The following EPHA8 variants were observed in gnomAD, a reference collection of about 807,000 sequenced individuals.
EPHA8 encodes the protein EPH receptor A8.
EPHA8 carries 58 observed loss-of-function variants against 103.6 expected under a neutral mutation model. That is an observed-to-expected ratio of 0.56 (90% CI 0.45 to 0.70). The LOEUF is 0.70. Among genes scored for constraint, EPHA8 ranks in the 30% least tolerant of loss-of-function variants. EPHA8 has a pLI of 0.00. For missense variants in EPHA8, 1,304 were observed against 1,395.2 expected (o/e 0.93, Z 1.04); for synonymous variants, 559 against 572.5 (o/e 0.98, Z 0.34).
At chr1:22,590,725 C>T (rs1055553110) in intron 5 of EPHA8, among the ~76,000 whole-genome samples, 5 of 151,498 alleles carry the variant, frequency 3.3e-5, no homozygotes, top group South Asian at 2.1e-4. Context: ...CTTTTCTGGG[C>T]GGCTGTTTCA....
chr1:22,577,054 C>T (rs1032246558), intron 3 of EPHA8, among the ~76,000 whole-genome samples, 174 bp downstream of exon 3: 1 of 152,130 alleles, frequency 6.6e-6, no homozygotes, highest in Non-Finnish European at 1.5e-5. Flanking sequence ...TGCGAGGCCA[C>T]CTGTGTCCGT....
At chr1:22,600,841 C>T (rs776438284) in intron 14 of EPHA8, 31 bp downstream of exon 14, 25 of 1,588,810 alleles carry the variant, frequency 1.6e-5, no homozygotes, top group East Asian at 6.7e-5. Context: ...GGTCCGCGGG[C>T]GGTGGAGCCT....
intron 3 of EPHA8, among the ~76,000 whole-genome samples, chr1:22,585,248 A>C (rs1373587737): frequency 6.6e-6 from 1 of 152,154 alleles, no homozygotes; most frequent in Non-Finnish European, 1.5e-5. Flanking sequence ...GGTGAGGGGC[A>C]GCACTAAACA....
At chr1:22,596,296 G>T (rs967047236) in intron 9 of EPHA8, 123 bp downstream of exon 9, 5 of 955,144 alleles carry the variant, frequency 5.2e-6, no homozygotes, top group Non-Finnish European at 8.0e-6. Context: ...AGCCCAAGAG[G>T]CAGATTCCAG....
chr1:22,577,023 G>C, intron 3 of EPHA8, 143 bp downstream of exon 3: 2 of 1,015,094 alleles, frequency 2.0e-6, no homozygotes, highest in Non-Finnish European at 2.8e-6. Flanking sequence ...TAAACCTCCA[G>C]TGTTCCTACA....
Position 22,589,204 on chromosome 1 carries a change from C to T in EPHA8, c.1313C>T (p.Ala438Val). The change falls in exon 5 of 17, where the codon GCA (alanine) becomes GTA (valine). Residue 438 changes from alanine (A) to valine (V), a missense_variant and splice_region_variant. Transcript: ENST00000166244. The surrounding 1 kb of genome is among the most constrained non-coding windows in gnomAD (Gnocchi z 4.3). ...AAVVNITTNQAAPSQVVVIRQ... is the reference protein window; with the variant it reads ...AAVVNITTNQVAPSQVVVIRQ... Reference sequence around the variant, plus strand: ...GTGGTCAACATCACCACGAACCAGGCAGGTAGGCGGAGAAACTCCGTCCCG... The same window carrying T: ...GTGGTCAACATCACCACGAACCAGGTAGGTAGGCGGAGAAACTCCGTCCCG... 1 of 1,613,954 alleles carries T rather than the reference C, an allele frequency of 6.2e-7. No individual in the cohort carries two copies. Among genetic ancestry groups the T allele is most frequent in the African/African-American group, 1.3e-5 (1 of 75,072 alleles).
chr1:22,595,664 T>C lies in EPHA8; in HGVS notation c.1697+341T>C, dbSNP rs546821397. Among the ~76,000 whole-genome samples the C allele has an allele frequency of 3.9e-5, 6 of 152,228 alleles. No homozygotes were observed. The South Asian group carries it at 1.0e-3, about 26-fold the overall frequency. ...ATTTTGGAGGGAGGTGGAGACAGGA[T>C]AGTGTGTGGGCTTGGGATCCCAGAC... On this transcript the variant is annotated intron_variant, in intron 8 of 16. Coordinates refer to ENST00000166244, the MANE Select transcript of EPHA8 (RefSeq NM_020526.5).
intron 7 of EPHA8, 50 bp from the exon 8 acceptor site, chr1:22,595,180 C>A (rs1332361647): frequency 1.3e-6 from 2 of 1,505,538 alleles, no homozygotes; most frequent in Admixed American, 3.6e-5. Flanking sequence ...CCCCTGGGCC[C>A]AAGGCCAGGG....
intron 5 of EPHA8, among the ~76,000 whole-genome samples, chr1:22,591,315 C>T (rs1641366122): frequency 6.6e-6 from 1 of 152,154 alleles, no homozygotes; most frequent in Admixed American, 6.5e-5. Context: ...GTCTTGATCT[C>T]CGGAGCCCAA....
intron 3 of EPHA8, among the ~76,000 whole-genome samples, chr1:22,583,935 C>T (rs892615972): frequency 6.6e-6 from 1 of 152,214 alleles, no homozygotes; most frequent in Admixed American, 6.5e-5. Flanking sequence ...CTGCCAATGC[C>T]GTGGAAGCTC....
Position 22,597,549 on chromosome 1 carries a change from C to A in EPHA8, c.1930+73C>A. On this transcript the variant is annotated intron_variant, in intron 10 of 16. Coordinates refer to ENST00000166244, the MANE Select transcript of EPHA8 (RefSeq NM_020526.5). The surrounding 1 kb of genome is among the most constrained non-coding windows in gnomAD (Gnocchi z 4.6). Reference sequence around the variant, plus strand: ...GGGCACCCAGGGCAAGGTGGGGGCACCCAGGGCAGAGGGAGCGTGTGACCC... The same window carrying A: ...GGGCACCCAGGGCAAGGTGGGGGCAACCAGGGCAGAGGGAGCGTGTGACCC... 2 of 1,575,704 alleles carry A rather than the reference C, an allele frequency of 1.3e-6. No homozygotes were observed. The highest frequency in any genetic ancestry group is 8.6e-7 in the Non-Finnish European group (1 of 1,159,358).
rs200528832 is a variant in EPHA8 at position 22,578,357 on chromosome 1, C to T, written c.823+1477C>T. 7.5e-4 allele frequency among the ~76,000 whole-genome samples: 99 copies of T among 131,780 alleles called. 1 individual carries two copies. Among genetic ancestry groups the T allele is most frequent in the Middle Eastern group, 5.7e-3 (1 of 174 alleles). 86.5% of individuals were successfully genotyped at this position (131,780 alleles called of 152,430 possible). A position where few individuals can be genotyped will look rare whatever the true frequency, so the allele number is the denominator to read the frequency against. ...GAGTGTATGCATGTGTGTATGTGTG[C>T]GTGCATGTGTGCGTGCTTTAGTATA... On this transcript the variant is annotated intron_variant, in intron 3 of 16. Transcript: ENST00000166244.
rs146789326 is a variant in EPHA8 at position 22,596,180 on chromosome 1, G to T, written c.1765+7G>T. ...CACTATCAGAATGGACAGGGTGAGT[G>T]CAGGGGCCCGGTGGTCTGGGGCAGA... On this transcript the variant is annotated splice_region_variant and intron_variant, in intron 9 of 16. Coordinates refer to ENST00000166244, the MANE Select transcript of EPHA8 (RefSeq NM_020526.5). 2.4e-3 allele frequency: 3,793 copies of T among 1,613,626 alleles called. 14 individuals carry two copies. The highest frequency in any genetic ancestry group is 2.6e-3 in the Non-Finnish European group (3,125 of 1,179,802).
intron 15 of EPHA8, 84 bp from the exon 16 acceptor site, chr1:22,601,216 C>T: frequency 6.5e-7 from 1 of 1,537,324 alleles, no homozygotes. Flanking sequence ...CCCTGCCCTG[C>T]CGAACCCCTT....
intron 7 of EPHA8, among the ~76,000 whole-genome samples, chr1:22,594,326 G>A (rs564805738): frequency 5.9e-4 from 90 of 152,360 alleles, no homozygotes; most frequent in Admixed American, 1.6e-3. Flanking sequence ...TCGCTCGCCT[G>A]AGGCGGCAGA....
intron 2 of EPHA8, among the ~76,000 whole-genome samples, chr1:22,572,602 T>C (rs1326165948): frequency 6.6e-6 from 1 of 152,246 alleles, no homozygotes; most frequent in Non-Finnish European, 1.5e-5. Context: ...TAATTTCCAT[T>C]GTCTCACTGG....
chr1:22,569,484 C>T lies in EPHA8; in HGVS notation c.159+131C>T, dbSNP rs944193488. 2.2e-6 allele frequency: 2 copies of T among 921,754 alleles called. No homozygotes were observed. Among genetic ancestry groups the T allele is most frequent in the Non-Finnish European group, 1.6e-6 (1 of 616,078 alleles). 57.1% of individuals were successfully genotyped at this position (921,754 alleles called of 1,614,324 possible). ...AGGTCAAGGGACTTACCCAAGGGCA[C>T]ACAGCAGTTAGTGCTGCTGATCTCT... is the stretch of plus-strand genomic sequence containing the variant. On this transcript the variant is annotated intron_variant, in intron 2 of 16. Coordinates refer to ENST00000166244, the MANE Select transcript of EPHA8 (RefSeq NM_020526.5). The surrounding 1 kb of genome is among the most constrained non-coding windows in gnomAD (Gnocchi z 4.5).
intron 1 of EPHA8, among the ~76,000 whole-genome samples, chr1:22,568,333 G>A (rs1028288816): frequency 2.6e-5 from 4 of 152,194 alleles, no homozygotes. Context: ...TTTGCAGAGG[G>A]CCTGACTTAG....
At chr1:22,600,172 G>A (rs1247227847) in intron 13 of EPHA8, among the ~76,000 whole-genome samples, 1,513 of 127,948 alleles carry the variant, frequency 0.012, 38 homozygotes, top group African/African-American at 0.043. Flanking sequence ...GAGGCAGGAA[G>A]GAAGGAAAGA....
Sources: allele counts gnomAD v4.1 joint callset (sites outside exome capture counted in the v4.1 genomes callset), GRCh38; gene constraint gnomAD v4.1.1; non-coding constraint Gnocchi (gnomAD v3.1); transcripts MANE v1.5; gene names NCBI Gene and HGNC (gene_info 2026-07-23, HGNC 2026-07-21).